The following CSMD1 variants were observed in gnomAD, a reference collection of about 807,000 sequenced individuals.
CSMD1 encodes the protein CUB and Sushi multiple domains 1, also known as CUB and sushi domain-containing protein 1.
In CSMD1, 213 loss-of-function variants were observed where a neutral mutation model predicts 417.5. The ratio of observed to expected loss-of-function variants is 0.51; its 90% CI spans 0.46 to 0.57. The LOEUF (loss-of-function observed/expected upper bound fraction) is 0.57. Among genes scored for constraint, CSMD1 ranks in the 20% least tolerant of loss-of-function variants. The probability of loss-of-function intolerance (pLI) is 0.00; values close to 1 mark genes in which losing one functional copy is unlikely to be tolerated. For missense variants in CSMD1, 6,923 were observed against 4,529.7 expected (o/e 1.53, Z -15.17); for synonymous variants, 2,862 against 1,736.8 (o/e 1.65, Z -16.11).
intron 4 of CSMD1, among the ~76,000 whole-genome samples, chr8:4,025,176 AC>A (rs942152848): frequency 2.0e-4 from 31 of 152,132 alleles, no homozygotes; most frequent in African/African-American, 6.7e-4. Flanking sequence ...GAAGAAATGC[AC>A]CCCCTCCTGG....
intron 2 of CSMD1, among the ~76,000 whole-genome samples, chr8:4,558,508 C>T (rs1402776775): frequency 6.6e-6 from 1 of 152,100 alleles, no homozygotes; most frequent in Non-Finnish European, 1.5e-5. Context: ...CATGGGATTC[C>T]ACTGAGCTTA....
Position 3,409,699 on chromosome 8 carries a change from T to G in CSMD1, c.1562-94A>C, listed in dbSNP as rs151100689. 1.2e-4 allele frequency: 116 copies of G among 987,524 alleles called. 1 individual carries two copies. In the African/African-American group the frequency reaches 1.6e-3, roughly 14 times the overall value. The allele number at this position is 987,524 out of a possible 1,614,324, so 61.2% of individuals were successfully genotyped here. On this transcript the variant is annotated intron_variant, in intron 12 of 69. Coordinates refer to ENST00000635120, the MANE Select transcript of CSMD1 (RefSeq NM_033225.6). ...AGAAAGTAAATACGTGGCTTCTTTT[T>G]GCTGAACTAAACATCATTTTTGTAA...
At chr8:4,652,892 A>G (rs1038754476) in intron 1 of CSMD1, among the ~76,000 whole-genome samples, 1 of 152,058 alleles carries the variant, frequency 6.6e-6, no homozygotes, top group Non-Finnish European at 1.5e-5. Context: ...GTAAGAATCT[A>G]ACGCCGCTGC....
chr8:3,110,100 G>T, intron 43 of CSMD1, 58 bp downstream of exon 43: 1 of 1,410,174 alleles, frequency 7.1e-7, no homozygotes. Flanking sequence ...GCATATGTAT[G>T]CTAAGTCAGA....
At chr8:4,315,165 C>G (rs1043117899) in intron 3 of CSMD1, among the ~76,000 whole-genome samples, 1 of 152,178 alleles carries the variant, frequency 6.6e-6, no homozygotes, top group East Asian at 1.9e-4. Context: ...CTACCGGAGA[C>G]AGATGACACT....
At chr8:3,305,352 T>C (rs1804749477) in intron 25 of CSMD1, among the ~76,000 whole-genome samples, 1 of 152,230 alleles carries the variant, frequency 6.6e-6, no homozygotes, top group Non-Finnish European at 1.5e-5. Context: ...TAGTATGTGC[T>C]ATGGTTTTAC....
At chr8:4,232,914 A>C (rs151005138) in intron 3 of CSMD1, among the ~76,000 whole-genome samples, 80 of 152,316 alleles carry the variant, frequency 5.3e-4, no homozygotes, top group African/African-American at 1.9e-3. Flanking sequence ...TGAAATTCAC[A>C]AGAATTCTTT....
At chr8:2,946,439 T>C (rs1802242168) in intron 68 of CSMD1, among the ~76,000 whole-genome samples, 1 of 152,214 alleles carries the variant, frequency 6.6e-6, no homozygotes, top group Non-Finnish European at 1.5e-5. Flanking sequence ...CAGTGTCCCA[T>C]CTCTTTGGAT....
chr8:3,963,019 C>G (rs373836536), intron 5 of CSMD1, among the ~76,000 whole-genome samples: 1 of 152,116 alleles, frequency 6.6e-6, no homozygotes, highest in Non-Finnish European at 1.5e-5. Context: ...TCACTGCAAC[C>G]TCTGCCTCCG....
chr8:3,368,115 T>C (rs2117764867), intron 19 of CSMD1, among the ~76,000 whole-genome samples: 1 of 152,234 alleles, frequency 6.6e-6, no homozygotes, highest in South Asian at 2.1e-4. Flanking sequence ...CTAATAAAAA[T>C]GTGTATTTTT....
At chr8:3,653,499 G>C (rs1259912407) in intron 7 of CSMD1, among the ~76,000 whole-genome samples, 5 of 152,094 alleles carry the variant, frequency 3.3e-5, no homozygotes, top group African/African-American at 1.2e-4. Context: ...AATAGAGATA[G>C]GGTTTCACCA....
rs183749961 is a variant in CSMD1, at chr8:4,905,749, G to A, written c.85+88583C>T. 1.1e-4 allele frequency among the ~76,000 whole-genome samples: 16 copies of A among 150,940 alleles called. No individual in the cohort carries two copies. The East Asian group carries it at 1.2e-3, about 11-fold the overall frequency. The stretch of plus-strand genomic sequence containing the variant: ...GCAGGAGAATGGCGTGAAACCGGGA[G>A]GCGGAGCTTGCAGTGAGCCGAGATT... On this transcript the variant is annotated intron_variant, in intron 1 of 69. Coordinates refer to ENST00000635120, the MANE Select transcript of CSMD1 (RefSeq NM_033225.6).
intron 1 of CSMD1, among the ~76,000 whole-genome samples, chr8:4,639,760 C>G (rs2130864712): frequency 6.6e-6 from 1 of 152,202 alleles, no homozygotes; most frequent in Middle Eastern, 3.4e-3. Context: ...CCTCAGTGAG[C>G]TCAAATCATT....
At chr8:3,836,088 T>A (rs1249543027) in intron 5 of CSMD1, among the ~76,000 whole-genome samples, 1 of 152,174 alleles carries the variant, frequency 6.6e-6, no homozygotes, top group Non-Finnish European at 1.5e-5. Context: ...ATTATCTTTT[T>A]AAACTTTTAC....
intron 5 of CSMD1, among the ~76,000 whole-genome samples, chr8:3,949,180 T>C (rs1236562549): frequency 3.9e-5 from 6 of 152,256 alleles, no homozygotes; most frequent in African/African-American, 1.2e-4. Flanking sequence ...TGCATTGCTT[T>C]ACATCCTTAT....
intron 1 of CSMD1, among the ~76,000 whole-genome samples, chr8:4,907,406 C>T (rs1805360649): frequency 6.6e-6 from 1 of 152,170 alleles, no homozygotes. Context: ...GTATGAATTA[C>T]TGCAAATAGG....
chr8:3,571,823 C>G (rs1799956233), intron 10 of CSMD1, among the ~76,000 whole-genome samples: 1 of 152,134 alleles, frequency 6.6e-6, no homozygotes, highest in South Asian at 2.1e-4. Context: ...CATCTTTCAT[C>G]TGAAGTACTG....
At chr8:4,380,555 G>A (rs955900450) in intron 3 of CSMD1, among the ~76,000 whole-genome samples, 17 of 152,160 alleles carry the variant, frequency 1.1e-4, no homozygotes, top group African/African-American at 3.1e-4. Context: ...GCCACATGAG[G>A]TTTGGGATGG....
intron 6 of CSMD1, among the ~76,000 whole-genome samples, chr8:3,729,471 T>C (rs889951338): frequency 1.3e-5 from 2 of 152,170 alleles, no homozygotes; most frequent in Non-Finnish European, 2.9e-5. Flanking sequence ...TTTCAAGTGC[T>C]TGAACATAGA....
Sources: allele counts gnomAD v4.1 joint callset (sites outside exome capture counted in the v4.1 genomes callset), GRCh38; gene constraint gnomAD v4.1.1; transcripts MANE v1.5; gene names NCBI Gene and HGNC (gene_info 2026-07-23, HGNC 2026-07-21).